MYBL1: variants seen among roughly 807,000 people sequenced by gnomAD.
MYBL1 encodes the protein myb-related protein A.
MYBL1 carries 17 observed loss-of-function variants against 96.3 expected under a neutral mutation model. The observed-to-expected ratio is 0.18, with a 90% CI of 0.12 to 0.26. The LOEUF is 0.26. MYBL1 is among the 10% of genes least tolerant of loss of function. The probability of loss-of-function intolerance (pLI) is 1.00; values close to 1 mark genes in which losing one functional copy is unlikely to be tolerated. For missense variants in MYBL1, 701 were observed against 882.9 expected (o/e 0.79, Z 2.61); for synonymous variants, 282 against 292.7 (o/e 0.96, Z 0.37).
intron 8 of MYBL1, among the ~76,000 whole-genome samples, chr8:66,590,530 G>A (rs932785098): frequency 4.0e-5 from 6 of 150,794 alleles, no homozygotes; most frequent in South Asian, 2.1e-4. Context: ...GCTGAGGCAG[G>A]AGAATCACTT....
At chr8:66,568,046 CAAAA>C (rs561036519) in intron 12 of MYBL1, among the ~76,000 whole-genome samples, 1 of 67,144 alleles carries the variant, frequency 1.5e-5, no homozygotes, top group Admixed American at 1.8e-4. Context: ...GACTCCGTCT[CAAAA>C]AAAAAAAAAA....
intron 1 of MYBL1, among the ~76,000 whole-genome samples, chr8:66,603,035 G>A (rs912180258): frequency 6.6e-6 from 1 of 151,918 alleles, no homozygotes; most frequent in African/African-American, 2.4e-5. Context: ...GTGAGCCACT[G>A]CACCTGGCCT....
intron 3 of MYBL1, among the ~76,000 whole-genome samples, chr8:66,600,923 C>T (rs1245559336): frequency 3.9e-5 from 6 of 151,990 alleles, no homozygotes; most frequent in Non-Finnish European, 5.9e-5. Context: ...GTAATCCCAG[C>T]ACTCTGGGAG....
intron 1 of MYBL1, 71 bp downstream of exon 1, chr8:66,612,748 G>A: frequency 7.6e-7 from 1 of 1,321,530 alleles, no homozygotes; most frequent in South Asian, 2.5e-5. Flanking sequence ...GCGGGAGGGG[G>A]CAGCGGGATA....
At position 66,566,248 on chromosome 8, in the gene MYBL1, G is replaced by T; in HGVS notation, c.1951-5C>A. On this transcript the variant is annotated splice_region_variant and splice_polypyrimidine_tract_variant and intron_variant, in intron 14 of 15. Transcript: ENST00000522677. ...TGTAGTAAATCTATTTTCTGACTAA[G>T]AGAGAAAAAAGAAAGAGGAAAATAA... 6.9e-7 allele frequency: 1 copy of T among 1,439,342 alleles called. No homozygotes were observed. Among genetic ancestry groups the T allele is most frequent in the South Asian group, 1.3e-5 (1 of 75,508 alleles). 89.2% of individuals were successfully genotyped at this position (1,439,342 alleles called of 1,614,324 possible).
chr8:66,585,719 G>T (rs1314159680), intron 8 of MYBL1, among the ~76,000 whole-genome samples: 1 of 152,140 alleles, frequency 6.6e-6, no homozygotes, highest in African/African-American at 2.4e-5. Context: ...TCCAGCCTGG[G>T]TGACAAGAAT....
At position 66,612,347 on chromosome 8, in the gene MYBL1, G is replaced by A. The variant is rs376906171; in HGVS notation, c.20+472C>T. On this transcript the variant is annotated intron_variant, in intron 1 of 15. Transcript: ENST00000522677. Reference sequence around the variant, plus strand: ...CAGAGGATTTTCCACAACGTTTCAAGATAGCCAAGTTGGCAGAGGGGTGGC... The same window carrying A: ...CAGAGGATTTTCCACAACGTTTCAAAATAGCCAAGTTGGCAGAGGGGTGGC... 22 of 164,066 alleles carry A rather than the reference G, an allele frequency of 1.3e-4. 2 individuals carry two copies. In the East Asian group the frequency reaches 3.1e-3, roughly 23 times the overall value. The allele number at this position is 164,066 out of a possible 1,614,324, so 10.2% of individuals were successfully genotyped here. A position where few individuals can be genotyped will look rare whatever the true frequency, so the allele number is the denominator to read the frequency against.
At chr8:66,574,914 C>T (rs1325692084) in intron 10 of MYBL1, among the ~76,000 whole-genome samples, 10 of 152,092 alleles carry the variant, frequency 6.6e-5, no homozygotes, top group African/African-American at 2.4e-4. Flanking sequence ...ATTAGCCGGG[C>T]GTGGTGGCAC....
chr8:66,564,797 T>A lies in MYBL1; in HGVS notation c.2159A>T (p.Tyr720Phe), dbSNP rs1445805571. ...QSNCEWETVV[Y>F]GKTEDQLIMT... is the part of the protein sequence containing the mutation. The stretch of plus-strand genomic sequence containing the variant: ...AATAAGTTGGTCTTCTGTCTTCCCA[T>A]AAACCACTGTTTCCCATTCACAATT... Residue 720 changes from tyrosine (Y) to phenylalanine (F), a missense_variant, in exon 16 of 16, where the codon TAT (tyrosine) becomes TTT (phenylalanine). Transcript: ENST00000522677. 1 of 1,575,574 alleles carries A rather than the reference T, an allele frequency of 6.3e-7. No homozygotes were observed. Among genetic ancestry groups the A allele is most frequent in the Non-Finnish European group, 8.6e-7 (1 of 1,156,876 alleles).
At chr8:66,565,981 A>G (rs1808487172) in intron 15 of MYBL1, 83 bp downstream of exon 15, 1 of 936,358 alleles carries the variant, frequency 1.1e-6, no homozygotes, top group South Asian at 1.8e-5. Context: ...TAAAAGAAAA[A>G]GTATAATTTG....
intron 4 of MYBL1, among the ~76,000 whole-genome samples, chr8:66,598,620 G>A (rs926978555): frequency 6.6e-6 from 1 of 152,110 alleles, no homozygotes; most frequent in African/African-American, 2.4e-5. Context: ...TCTGACATCT[G>A]TCTAATCCTG....
chr8:66,593,308 C>G, intron 6 of MYBL1, 114 bp from the exon 7 acceptor site: 1 of 589,980 alleles, frequency 1.7e-6, no homozygotes, highest in Non-Finnish European at 3.0e-6. Flanking sequence ...TTAGAAAGTA[C>G]CTGTATTAAT....
At chr8:66,592,940 T>C (rs745665320) in intron 7 of MYBL1, among the ~76,000 whole-genome samples, 180 bp downstream of exon 7, 2 of 152,192 alleles carry the variant, frequency 1.3e-5, no homozygotes, top group Non-Finnish European at 2.9e-5. Flanking sequence ...ATCACATTTG[T>C]ACAGTTTATA....
chr8:66,604,002 T>C (rs1810209571), intron 1 of MYBL1, among the ~76,000 whole-genome samples: 1 of 150,514 alleles, frequency 6.6e-6, no homozygotes, highest in Non-Finnish European at 1.5e-5. Flanking sequence ...AGAAAAGTTT[T>C]AAAAAAGAAT....
intron 8 of MYBL1, among the ~76,000 whole-genome samples, chr8:66,590,187 A>G (rs560487726): frequency 2.6e-5 from 4 of 152,338 alleles, no homozygotes; most frequent in African/African-American, 9.6e-5. Context: ...GTATAAAGAC[A>G]TCACCAGTTG....
At position 66,573,426 on chromosome 8, in the gene MYBL1, T is replaced by G. The variant is rs1808812856; in HGVS notation, c.1551A>C (p.Lys517Asn). The G allele has an allele frequency of 4.3e-6, 7 of 1,613,024 alleles. No individual in the cohort carries two copies. The highest frequency in any genetic ancestry group is 5.9e-6 in the Non-Finnish European group (7 of 1,179,414). Residue 517 changes from lysine (K) to asparagine (N), a missense_variant, in exon 11 of 16, where the codon AAA (lysine) becomes AAC (asparagine). Physicochemically the swap from Lys to Asn is moderately conservative, Grantham distance 94. This residue lies in a region of MYBL1 where 396 missense variants were observed against 407.4 expected (regional missense o/e 0.97). Transcript: ENST00000522677. ...SFTSTPICGQKALITTPLHKE... is the reference protein window; with the variant it reads ...SFTSTPICGQNALITTPLHKE... Reference sequence around the variant, plus strand: ...TATGAAGAGGAGTTGTAATGAGAGCTTTCTGCCCACAAATAGGGGTTGATG... The same window carrying G: ...TATGAAGAGGAGTTGTAATGAGAGCGTTCTGCCCACAAATAGGGGTTGATG...
chr8:66,605,547 G>A (rs1015892618), intron 1 of MYBL1, among the ~76,000 whole-genome samples: 3 of 152,174 alleles, frequency 2.0e-5, no homozygotes, highest in Non-Finnish European at 4.4e-5. Flanking sequence ...AAGGCCAGGC[G>A]CAGTGGCTCC....
chr8:66,600,618 G>C (rs1810030250), intron 3 of MYBL1, among the ~76,000 whole-genome samples: 1 of 152,156 alleles, frequency 6.6e-6, no homozygotes, highest in African/African-American at 2.4e-5. Flanking sequence ...AGACATTATA[G>C]ATAAGGAAGG....
intron 10 of MYBL1, among the ~76,000 whole-genome samples, chr8:66,575,720 G>T (rs1204550007): frequency 6.6e-6 from 1 of 152,074 alleles, no homozygotes; most frequent in Non-Finnish European, 1.5e-5. Flanking sequence ...AGCCTCGGTG[G>T]TTGAGGTTGC....
Sources: gnomAD v4.1 joint callset for allele counts (sites outside exome capture counted in the v4.1 genomes callset) on GRCh38, gnomAD v4.1.1 for gene constraint, gnomAD v4.1.1 regional missense constraint, MANE v1.5 for transcripts, NCBI Gene and HGNC (gene_info 2026-07-23, HGNC 2026-07-21) for gene names.